Variants in GRB10 observed in about 807,000 individuals in gnomAD.
GRB10 encodes the protein growth factor receptor bound protein 10, also known as growth factor receptor-bound protein 10.
A neutral mutation model predicts 80.9 loss-of-function variants in GRB10; 20 were observed. The observed-to-expected ratio is 0.25, with a 90% confidence interval of 0.17 to 0.36. The LOEUF (loss-of-function observed/expected upper bound fraction) is 0.36, where lower values mean the gene tolerates loss of function less well. Ranked by LOEUF, GRB10 falls within the 10% of genes least tolerant of loss-of-function variation. The pLI is 1.00. For synonymous variants in GRB10, 291 were observed against 291.5 expected, an observed-to-expected ratio of 1.00 and a Z score of 0.02; for missense variants, 548 against 747.7, an observed-to-expected ratio of 0.73 and a Z score of 3.12.
chr7:50,680,288 T>C (rs905477026), intron 5 of GRB10, among the ~76,000 whole-genome samples: 6 of 152,256 alleles, frequency 3.9e-5, no homozygotes, highest in African/African-American at 9.6e-5. Context: ...GTCATAACTC[T>C]TGGCTTTCAG....
At chr7:50,763,789 C>T (rs2076034868) in intron 2 of GRB10, among the ~76,000 whole-genome samples, 1 of 152,242 alleles carries the variant, frequency 6.6e-6, no homozygotes, top group Admixed American at 6.5e-5. Flanking sequence ...TCCATCTCTG[C>T]TGCCAACTCC....
chr7:50,647,461 C>T (rs985108317), intron 7 of GRB10, among the ~76,000 whole-genome samples: 6 of 152,262 alleles, frequency 3.9e-5, no homozygotes, highest in Admixed American at 3.9e-4. Flanking sequence ...CACTGTCAGT[C>T]ACTGAGCAGA....
chr7:50,624,165 C>G (rs2052432717), intron 8 of GRB10, among the ~76,000 whole-genome samples: 1 of 152,170 alleles, frequency 6.6e-6, no homozygotes, highest in Non-Finnish European at 1.5e-5. Flanking sequence ...GCCTTTTGCC[C>G]CAGCCACCAG....
At chr7:50,648,372 C>T (rs2084659624) in intron 7 of GRB10, among the ~76,000 whole-genome samples, 1 of 152,124 alleles carries the variant, frequency 6.6e-6, no homozygotes. Context: ...AATTGAATAG[C>T]ACAGTGGGGA....
chr7:50,764,484 C>T (rs1207036693), intron 2 of GRB10, among the ~76,000 whole-genome samples: 1 of 152,140 alleles, frequency 6.6e-6, no homozygotes, highest in East Asian at 1.9e-4. Context: ...GGACAGGAGC[C>T]GACTTAAATA....
intron 11 of GRB10, among the ~76,000 whole-genome samples, chr7:50,615,364 A>G (rs912265570): frequency 6.6e-6 from 1 of 152,128 alleles, no homozygotes. Context: ...CAACTTCAGC[A>G]CACACGAGGA....
rs139540893 is a variant in GRB10 at position 50,789,725 on chromosome 7, G to T, written c.-294+3499C>A. 1.3e-3 allele frequency among the ~76,000 whole-genome samples: 192 copies of T among 152,250 alleles called. 3 individuals carry two copies. The East Asian group carries it at 0.013, about 10-fold the overall frequency. The stretch of plus-strand genomic sequence containing the variant: ...CAGAAATCCATATGTAAAGTAGATG[G>T]TTCAAAAATATGAATATTCTAATAC... On this transcript the variant is annotated intron_variant, in intron 1 of 16. Coordinates refer to the GRB10 transcript ENST00000335866.
intron 3 of GRB10, among the ~76,000 whole-genome samples, chr7:50,741,972 G>T (rs1291585810): frequency 6.7e-6 from 1 of 148,806 alleles, no homozygotes; most frequent in Non-Finnish European, 1.5e-5. Context: ...CACCAGTAAA[G>T]AAATAAATTT....
chr7:50,704,723 G>C (rs2064801020), intron 4 of GRB10, among the ~76,000 whole-genome samples: 1 of 152,198 alleles, frequency 6.6e-6, no homozygotes, highest in South Asian at 2.1e-4. Context: ...TCATGCAAAA[G>C]AGACCTTCCA....
chr7:50,689,227 G>A (rs1054451569), intron 5 of GRB10, among the ~76,000 whole-genome samples: 4 of 152,180 alleles, frequency 2.6e-5, no homozygotes, highest in Admixed American at 6.5e-5. Context: ...CATTCAGGGT[G>A]CTGAGTCCCC....
chr7:50,713,053 A>T lies in GRB10; in HGVS notation c.52-9145T>A, dbSNP rs549192351. Among the ~76,000 whole-genome samples, 8 of 152,312 alleles carry T rather than the reference A, an allele frequency of 5.3e-5. No individual in the cohort carries two copies. In the Middle Eastern group the frequency reaches 0.01, roughly 194 times the overall value. On this transcript the variant is annotated intron_variant, in intron 4 of 18. Transcript: ENST00000401949. ...TTTTGTTCCTGTTTTTGCATCTGGTATTCCCACATCAATGAGGCATTTTGG... is the reference window on the plus strand; with the variant it reads ...TTTTGTTCCTGTTTTTGCATCTGGTTTTCCCACATCAATGAGGCATTTTGG...
intron 2 of GRB10, among the ~76,000 whole-genome samples, chr7:50,757,927 T>C (rs1422558280): frequency 6.6e-6 from 1 of 152,192 alleles, no homozygotes; most frequent in Non-Finnish European, 1.5e-5. Flanking sequence ...AAGGTTTGCT[T>C]TTTCTCATGG....
intron 3 of GRB10, among the ~76,000 whole-genome samples, chr7:50,749,268 A>C (rs1394170892): frequency 6.6e-6 from 1 of 151,546 alleles, no homozygotes; most frequent in African/African-American, 2.4e-5. Flanking sequence ...AGCTGGGATT[A>C]TAGGCACTCA....
At chr7:50,615,002 A>G (rs867610980) in intron 11 of GRB10, 122 bp from the exon 12 acceptor site, 111 of 714,728 alleles carry the variant, frequency 1.6e-4, no homozygotes, top group Non-Finnish European at 2.5e-4. Flanking sequence ...CACTATACAT[A>G]TTACATATGA....
chr7:50,733,506 C>T (rs1285366649), intron 3 of GRB10, among the ~76,000 whole-genome samples: 3 of 152,168 alleles, frequency 2.0e-5, no homozygotes, highest in Non-Finnish European at 4.4e-5. Flanking sequence ...TCTAGAATCC[C>T]TCAAATCACC....
At chr7:50,707,817 C>G (rs2065252325) in intron 4 of GRB10, among the ~76,000 whole-genome samples, 1 of 152,234 alleles carries the variant, frequency 6.6e-6, no homozygotes. Context: ...TGCAGGTTAA[C>G]AAGCCCCTTG....
intron 3 of GRB10, among the ~76,000 whole-genome samples, chr7:50,749,117 GT>G (rs759030878): frequency 1.6e-5 from 1 of 62,182 alleles, no homozygotes; most frequent in Admixed American, 1.9e-4. Context: ...TTTTTGTTTT[GT>G]TTTGTTTTTT....
intron 1 of GRB10, chr7:50,792,656 A>G: frequency 2.5e-6 from 1 of 393,498 alleles, no homozygotes; most frequent in Non-Finnish European, 4.5e-6. Flanking sequence ...ACCAAAAAAA[A>G]GGTCCTCCGT....
chr7:50,700,219 A>G (rs959515654), intron 5 of GRB10, among the ~76,000 whole-genome samples: 3 of 152,220 alleles, frequency 2.0e-5, no homozygotes, highest in Non-Finnish European at 4.4e-5. Context: ...TTGAAGGTAT[A>G]GTATTGATTA....
Sources: allele counts gnomAD v4.1 joint callset (sites outside exome capture counted in the v4.1 genomes callset), GRCh38; gene constraint gnomAD v4.1.1; transcripts MANE v1.5; gene names NCBI Gene and HGNC (gene_info 2026-07-23, HGNC 2026-07-21).